The following UBE3B variants were observed in gnomAD, a reference collection of about 807,000 sequenced individuals.
UBE3B encodes ubiquitin protein ligase E3B, also known as ubiquitin-protein ligase E3B.
UBE3B carries 80 observed loss-of-function variants against 132.3 expected under a neutral mutation model. The observed-to-expected ratio is 0.60, with a 90% CI of 0.50 to 0.73. The LOEUF (loss-of-function observed/expected upper bound fraction) is 0.73, where lower values mean the gene tolerates loss of function less well. Among genes scored for constraint, UBE3B ranks in the 30% least tolerant of loss-of-function variants. UBE3B has a pLI of 0.00. For missense variants in UBE3B, 1,196 were observed against 1,362.5 expected (o/e 0.88, Z 1.92); for synonymous variants, 487 against 520.4 (o/e 0.94, Z 0.87).
chr12:109,529,875 C>T lies in UBE3B; in HGVS notation c.2628-15C>T. 6.2e-7 allele frequency: 1 copy of T among 1,613,794 alleles called. No homozygotes were observed. The highest frequency in any genetic ancestry group is 8.5e-7 in the Non-Finnish European group (1 of 1,179,672). Reference sequence around the variant, plus strand: ...CTGTTAATTGTCATTGTTATCTCTTCCTTGTTGGCAACAGAATTAGCTACA... The same window carrying T: ...CTGTTAATTGTCATTGTTATCTCTTTCTTGTTGGCAACAGAATTAGCTACA... On this transcript the variant is annotated splice_polypyrimidine_tract_variant and intron_variant, in intron 24 of 27. Transcript: ENST00000342494.
the UBE3B span, among the ~76,000 whole-genome samples, chr12:109,541,812 A>G: frequency 6.6e-6 from 1 of 152,116 alleles, no homozygotes. Flanking sequence ...GCTTGGCTGT[A>G]ACTGTATCAC....
rs1263779428 is a variant in UBE3B at position 109,507,626 on chromosome 12, C to T, written c.1513C>T (p.His505Tyr). 6.2e-7 allele frequency: 1 copy of T among 1,614,062 alleles called. No individual in the cohort carries two copies. The change falls in exon 15 of 28, where the codon CAC (histidine) becomes TAC (tyrosine). Residue 505 changes from histidine to tyrosine, a missense_variant. His to Tyr is a moderately conservative substitution (Grantham distance 83). Transcript: ENST00000342494. Reference sequence around the variant, plus strand: ...GGCATTTATCTGTGAGCTCGGGCCCCACGGAGGGTTAAAGCTCTTCTTGGA... The same window carrying T: ...GGCATTTATCTGTGAGCTCGGGCCCTACGGAGGGTTAAAGCTCTTCTTGGA... ...LWAFICELGP[H>Y]GGLKLFLECL... is the part of the protein sequence containing the mutation.
chr12:109,480,324 C>G (rs1220423144), intron 1 of UBE3B, among the ~76,000 whole-genome samples: 1 of 151,964 alleles, frequency 6.6e-6, no homozygotes, highest in Non-Finnish European at 1.5e-5. Context: ...TCCTCATTAT[C>G]AACCTCTAAG....
At chr12:109,480,241 C>T (rs1425536105) in intron 1 of UBE3B, among the ~76,000 whole-genome samples, 1 of 150,742 alleles carries the variant, frequency 6.6e-6, no homozygotes, top group East Asian at 1.9e-4. Flanking sequence ...ACCAGTTAGA[C>T]TTCCTGACTA....
chr12:109,546,859 G>A, the UBE3B span, among the ~76,000 whole-genome samples: 3 of 152,160 alleles, frequency 2.0e-5, no homozygotes, highest in Admixed American at 1.3e-4. Flanking sequence ...ACAGGTGCAC[G>A]CCACCACACC....
chr12:109,545,262 G>A, the UBE3B span, among the ~76,000 whole-genome samples: 4 of 152,294 alleles, frequency 2.6e-5, no homozygotes, highest in South Asian at 2.1e-4. Flanking sequence ...CAGATGAGCC[G>A]GGCCCCGCCC....
At chr12:109,489,891 T>C in intron 7 of UBE3B, 28 bp from the exon 8 acceptor site, 2 of 1,609,106 alleles carry the variant, frequency 1.2e-6, no homozygotes, top group South Asian at 1.1e-5. Flanking sequence ...CAAGAGACTT[T>C]TTTGTTCTCA....
chr12:109,510,363 C>G lies in UBE3B; in HGVS notation c.1761C>G (p.Thr587=). 4 of 1,610,180 alleles carry G rather than the reference C, an allele frequency of 2.5e-6. No individual in the cohort carries two copies. Among genetic ancestry groups the G allele is most frequent in the Non-Finnish European group, 3.4e-6 (4 of 1,178,362 alleles). The change falls in exon 17 of 28, where the codon ACC becomes ACG. Residue 587 remains threonine, a synonymous_variant. Transcript: ENST00000342494. ...CCACAGAGAACGCCAAGGGTGAGAC[C>G]TTGGAGCTGTTCCAGTCTGTCCACG... ...DGIVENAKGE[T]LELFQSVHGW... is the part of the protein sequence containing the mutation.
intron 13 of UBE3B, among the ~76,000 whole-genome samples, chr12:109,501,892 G>C (rs1879048896): frequency 6.6e-6 from 1 of 151,108 alleles, no homozygotes; most frequent in Admixed American, 6.6e-5. Flanking sequence ...TCCAATTCCT[G>C]ACCTCAAGTG....
At chr12:109,489,803 G>T in intron 7 of UBE3B, 116 bp from the exon 8 acceptor site, 1 of 948,094 alleles carries the variant, frequency 1.1e-6, no homozygotes. Flanking sequence ...AGGGAGGCAA[G>T]CCAGGGGGTA....
chr12:109,512,853 C>T (rs763647541), intron 18 of UBE3B, among the ~76,000 whole-genome samples: 1 of 152,210 alleles, frequency 6.6e-6, no homozygotes. Flanking sequence ...CTTGAGGGAG[C>T]CCCTGCTATG....
At chr12:109,483,775 G>GT (rs1875894025) in intron 3 of UBE3B, 63 bp downstream of exon 3, 5 of 1,580,532 alleles carry the variant, frequency 3.2e-6, no homozygotes, top group Admixed American at 1.8e-5. Context: ...AGATAAATGA[G>GT]TTTTTTCTCA....
At chr12:109,543,716 T>C in the UBE3B span, among the ~76,000 whole-genome samples, 1 of 152,024 alleles carries the variant, frequency 6.6e-6, no homozygotes, top group African/African-American at 2.4e-5. Flanking sequence ...ACCTGTAGTC[T>C]CAGCTACTCT....
At chr12:109,495,813 G>A (rs903980892) in intron 9 of UBE3B, among the ~76,000 whole-genome samples, 1 of 152,212 alleles carries the variant, frequency 6.6e-6, no homozygotes, top group Non-Finnish European at 1.5e-5. Context: ...GTTTAAGAAC[G>A]CCTTTAAGCA....
chr12:109,485,093 T>A (rs933983189), intron 4 of UBE3B, among the ~76,000 whole-genome samples: 10 of 152,226 alleles, frequency 6.6e-5, no homozygotes, highest in African/African-American at 2.4e-4. Flanking sequence ...TGAAATTTTT[T>A]AAATATCCTG....
chr12:109,517,110 C>A (rs372846302), intron 19 of UBE3B, among the ~76,000 whole-genome samples: 4 of 152,144 alleles, frequency 2.6e-5, no homozygotes, highest in Admixed American at 2.6e-4. Flanking sequence ...TCCTTTACCC[C>A]ATGAGAGCTA....
At chr12:109,490,864 C>G (rs1341487407) in intron 8 of UBE3B, 181 bp from the exon 9 acceptor site, 1 of 1,114,074 alleles carries the variant, frequency 9.0e-7, no homozygotes, top group Non-Finnish European at 1.2e-6. Context: ...GTCACCCAGG[C>G]TGGCCTCAAG....
At chr12:109,505,241 C>T (rs150962720) in intron 14 of UBE3B, among the ~76,000 whole-genome samples, 62 of 152,318 alleles carry the variant, frequency 4.1e-4, no homozygotes, top group African/African-American at 1.5e-3. Flanking sequence ...TGCTGTTTTT[C>T]TACTGACAAC....
rs377311592 is a variant in UBE3B at position 109,516,759 on chromosome 12, T to C, written c.1957-6T>C. 7.4e-6 allele frequency: 12 copies of C among 1,613,102 alleles called. No individual in the cohort carries two copies. The African/African-American group carries it at 1.6e-4, about 22-fold the overall frequency. On this transcript the variant is annotated splice_region_variant and splice_polypyrimidine_tract_variant and intron_variant, in intron 18 of 27. Transcript: ENST00000342494. ...TGTTTTCTGATCCCGCCTTTGTTCA[T>C]TTTAGAGAGTTCTACTGTTTCGAAC...
Sources: allele counts gnomAD v4.1 joint callset (sites outside exome capture counted in the v4.1 genomes callset), GRCh38; gene constraint gnomAD v4.1.1; transcripts MANE v1.5; gene names NCBI Gene and HGNC (gene_info 2026-07-23, HGNC 2026-07-21).